Variants in ITGAM observed in about 807,000 individuals in gnomAD.
ITGAM encodes integrin alpha-M.
A neutral mutation model predicts 137.5 loss-of-function variants in ITGAM; 79 were observed. That is an observed-to-expected ratio of 0.57 (90% CI 0.48 to 0.69). The LOEUF (loss-of-function observed/expected upper bound fraction) is 0.69, where lower values mean the gene tolerates loss of function less well. ITGAM is among the 30% of genes least tolerant of loss of function. ITGAM has a pLI of 0.00. For missense variants in ITGAM, 1,343 were observed against 1,483.5 expected, an observed-to-expected ratio of 0.91 and a Z score of 1.56; for synonymous variants, 583 against 592.3, an observed-to-expected ratio of 0.98 and a Z score of 0.23.
In ITGAM at chr16:31,261,830, T is replaced by G. The variant is rs2079703384; in HGVS notation, c.134+33T>G. On this transcript the variant is annotated intron_variant, in intron 2 of 29. Coordinates refer to ENST00000544665, the MANE Select transcript of ITGAM (RefSeq NM_000632.4). ...CCTTAGATGGAGCCCCCTTTCTCAG[T>G]GCTTTCTCTCCAAGACTTACATACC... The G allele has an allele frequency of 7.1e-6, 10 of 1,405,740 alleles. No homozygotes were observed. In the East Asian group the frequency reaches 2.3e-4, roughly 32 times the overall value. The allele number at this position is 1,405,740 out of a possible 1,614,324, so 87.1% of individuals were successfully genotyped here.
intron 5 of ITGAM, among the ~76,000 whole-genome samples, chr16:31,269,880 T>C (rs1268828954): frequency 1.3e-5 from 2 of 152,158 alleles, no homozygotes; most frequent in Non-Finnish European, 2.9e-5. Context: ...TCTAGTCTTC[T>C]GTTGAGCCCC....
intron 11 of ITGAM, among the ~76,000 whole-genome samples, chr16:31,277,419 C>T (rs1316639929): frequency 6.6e-6 from 1 of 150,914 alleles, no homozygotes; most frequent in Non-Finnish European, 1.5e-5. Flanking sequence ...AGTGCAATGG[C>T]GTGATCTTGG....
intron 14 of ITGAM, among the ~76,000 whole-genome samples, chr16:31,312,943 G>A (rs1567273827): frequency 6.6e-6 from 1 of 151,072 alleles, no homozygotes; most frequent in Non-Finnish European, 1.5e-5. Context: ...CATTGGGCCA[G>A]GCACAGTGGC....
chr16:31,323,340 G>T (rs2080469900), intron 16 of ITGAM, among the ~76,000 whole-genome samples: 1 of 150,890 alleles, frequency 6.6e-6, no homozygotes, highest in South Asian at 2.1e-4. Context: ...TGAAGCAGGA[G>T]AATTGAACCT....
chr16:31,321,822 G>A (rs186587852), intron 16 of ITGAM, among the ~76,000 whole-genome samples, 195 bp downstream of exon 16: 1 of 152,316 alleles, frequency 6.6e-6, no homozygotes, highest in Admixed American at 6.5e-5. Context: ...CCCTAAAGAG[G>A]TGAGCATGTG....
At chr16:31,329,730 G>A in intron 24 of ITGAM, 68 bp from the exon 25 acceptor site, 2 of 1,369,080 alleles carry the variant, frequency 1.5e-6, no homozygotes, top group Non-Finnish European at 2.0e-6. Flanking sequence ...CCGTGGGGAG[G>A]GGAGGCTGAT....
intron 12 of ITGAM, among the ~76,000 whole-genome samples, chr16:31,294,098 G>T (rs1256819226): frequency 6.6e-6 from 1 of 152,172 alleles, no homozygotes; most frequent in Non-Finnish European, 1.5e-5. Context: ...CTGAAACTTT[G>T]TTGAAGTTAT....
chr16:31,331,929 C>A lies in ITGAM; in HGVS notation c.*222C>A. The A allele has an allele frequency of 1.8e-6, 1 of 557,774 alleles. No individual in the cohort carries two copies. Among genetic ancestry groups the A allele is most frequent in the Non-Finnish European group, 3.2e-6 (1 of 316,056 alleles). The allele number at this position is 557,774 out of a possible 1,614,324, so 34.6% of individuals were successfully genotyped here. A position where few individuals can be genotyped will look rare whatever the true frequency, so the allele number is the denominator to read the frequency against. On this transcript the variant is annotated 3_prime_UTR_variant, in exon 30 of 30. Coordinates refer to ENST00000544665, the MANE Select transcript of ITGAM (RefSeq NM_000632.4). ...TGTGCGTGCATGTGCACTTGCACGCCCATGTGTGAGTGTGTGCAAGTATGT... is the reference window on the plus strand; with the variant it reads ...TGTGCGTGCATGTGCACTTGCACGCACATGTGTGAGTGTGTGCAAGTATGT...
At chr16:31,270,699 G>GTGTGTATATATATATA (rs1477833816) in intron 5 of ITGAM, among the ~76,000 whole-genome samples, 5 of 26,004 alleles carry the variant, frequency 1.9e-4, no homozygotes, top group African/African-American at 3.4e-4. Context: ...GTGTGTGTGT[G>GTGTGTATATATATATA]TATATATATA....
intron 14 of ITGAM, among the ~76,000 whole-genome samples, chr16:31,320,001 A>G (rs1484083615): frequency 6.6e-6 from 1 of 151,966 alleles, no homozygotes; most frequent in Non-Finnish European, 1.5e-5. Context: ...TTTAATAGAG[A>G]TGGGGTTTCA....
chr16:31,266,018 C>A lies in ITGAM; in HGVS notation c.310-12C>A. ...GCAGGGGCAGCCCCTTCCACTGGCT[C>A]CTGTCCCCTAGGCCTGTGGTCCCAC... On this transcript the variant is annotated splice_polypyrimidine_tract_variant and intron_variant, in intron 4 of 29. Coordinates refer to ENST00000544665, the MANE Select transcript of ITGAM (RefSeq NM_000632.4). 1 of 1,610,620 alleles carries A rather than the reference C, an allele frequency of 6.2e-7. No homozygotes were observed. Among genetic ancestry groups the A allele is most frequent in the Non-Finnish European group, 8.5e-7 (1 of 1,177,154 alleles).
intron 14 of ITGAM, among the ~76,000 whole-genome samples, chr16:31,308,115 T>C (rs146147925): frequency 0.013 from 1,988 of 152,262 alleles, 42 homozygotes; most frequent in African/African-American, 0.045. Flanking sequence ...TTCTCTTTTT[T>C]TGTTGTGTGT....
chr16:31,286,713 T>C (rs1489657158), intron 12 of ITGAM, among the ~76,000 whole-genome samples: 3 of 152,190 alleles, frequency 2.0e-5, no homozygotes, highest in Non-Finnish European at 2.9e-5. Flanking sequence ...TCTTGCTTGT[T>C]GATTTGTTGA....
intron 6 of ITGAM, among the ~76,000 whole-genome samples, chr16:31,271,646 C>T (rs2079841019): frequency 6.6e-6 from 1 of 152,228 alleles, no homozygotes; most frequent in African/African-American, 2.4e-5. Context: ...AGCCACTGCT[C>T]CCGGCCGCTG....
At chr16:31,263,609 A>T (rs930608554) in intron 2 of ITGAM, among the ~76,000 whole-genome samples, 1 of 147,564 alleles carries the variant, frequency 6.8e-6, no homozygotes, top group African/African-American at 2.5e-5. Flanking sequence ...TTTTTTTTTT[A>T]TGAGAGAGGC....
At chr16:31,295,318 C>T (rs2080122844) in intron 12 of ITGAM, among the ~76,000 whole-genome samples, 1 of 152,078 alleles carries the variant, frequency 6.6e-6, no homozygotes, top group African/African-American at 2.4e-5. Flanking sequence ...ATTAATACTC[C>T]AGTCCATGAA....
intron 16 of ITGAM, 71 bp downstream of exon 16, chr16:31,321,698 G>T: frequency 1.3e-6 from 2 of 1,497,324 alleles, no homozygotes; most frequent in Non-Finnish European, 9.1e-7. Context: ...AATCCACTCT[G>T]CCCAGCCTTC....
chr16:31,328,230 G>A lies in ITGAM; in HGVS notation c.2792G>A (p.Ser931Asn), dbSNP rs772840041. 6.2e-7 allele frequency: 1 copy of A among 1,613,126 alleles called. No homozygotes were observed. The highest frequency in any genetic ancestry group is 8.5e-7 in the Non-Finnish European group (1 of 1,179,104). ...TATGCTGTCTACATGGTGGTCACCA[G>A]GTGCTGGCTTCCAGGACTTTAGCTG... ...VKYAVYMVVT[S>N]HGVSTKYLNF... is the part of the protein sequence containing the mutation. The change falls in exon 23 of 30, where the codon AGC (serine) becomes AAC (asparagine). Residue 931 changes from serine (S) to asparagine (N), a missense_variant and splice_region_variant. Ser to Asn is a conservative substitution (Grantham distance 46, BLOSUM62 1). Transcript: ENST00000544665.
intron 2 of ITGAM, 85 bp from the exon 3 acceptor site, chr16:31,265,310 C>T (rs939136207): frequency 6.4e-6 from 4 of 624,478 alleles, no homozygotes; most frequent in African/African-American, 3.9e-5. Context: ...GGGCCCCCAC[C>T]GTCCTCTGGG....
Sources: gnomAD v4.1 joint callset for allele counts (sites outside exome capture counted in the v4.1 genomes callset) on GRCh38, gnomAD v4.1.1 for gene constraint, MANE v1.5 for transcripts, NCBI Gene and HGNC (gene_info 2026-07-23, HGNC 2026-07-21) for gene names.